The following GRM8 variants were observed in gnomAD, a reference collection of about 807,000 sequenced individuals.
The protein encoded by GRM8 is glutamate metabotropic receptor 8, also known as metabotropic glutamate receptor 8.
GRM8 carries 47 observed loss-of-function variants against 87.2 expected under a neutral mutation model. The ratio of observed to expected loss-of-function variants is 0.54; its 90% confidence interval spans 0.43 to 0.69. The LOEUF is 0.69. Ranked by LOEUF, GRM8 falls within the 30% of genes least tolerant of loss-of-function variation. GRM8 has a pLI of 0.00. For missense variants in GRM8, 1,019 were observed against 1,139.2 expected (o/e 0.89, Z 1.52); for synonymous variants, 396 against 404.5 (o/e 0.98, Z 0.25).
chr7:126,617,568 G>T (rs1051300342), intron 7 of GRM8, among the ~76,000 whole-genome samples: 1 of 152,136 alleles, frequency 6.6e-6, no homozygotes, highest in Non-Finnish European at 1.5e-5. Flanking sequence ...ATTCAATTAG[G>T]AAAAGAGGAA....
intron 3 of GRM8, among the ~76,000 whole-genome samples, chr7:127,037,810 T>G (rs1240072381): frequency 6.6e-6 from 1 of 150,382 alleles, no homozygotes. Flanking sequence ...TCCAGACATG[T>G]GCATGCACGT....
intron 3 of GRM8, among the ~76,000 whole-genome samples, chr7:127,026,560 A>G (rs1640180874): frequency 6.6e-6 from 1 of 152,112 alleles, no homozygotes; most frequent in South Asian, 2.1e-4. Flanking sequence ...ATGAGATGGT[A>G]TCTCATTGTG....
At chr7:126,482,137 A>G (rs1477238161) in intron 9 of GRM8, among the ~76,000 whole-genome samples, 1 of 152,064 alleles carries the variant, frequency 6.6e-6, no homozygotes, top group Non-Finnish European at 1.5e-5. Context: ...GGCTACTACT[A>G]TAAAAACGGA....
At chr7:127,174,056 T>A (rs946618955) in intron 2 of GRM8, among the ~76,000 whole-genome samples, 1 of 152,084 alleles carries the variant, frequency 6.6e-6, no homozygotes, top group East Asian at 1.9e-4. Flanking sequence ...ACCAGAAACA[T>A]TCACAGCAAC....
At chr7:127,171,969 C>T (rs1246155358) in intron 2 of GRM8, among the ~76,000 whole-genome samples, 1 of 151,830 alleles carries the variant, frequency 6.6e-6, no homozygotes, top group Non-Finnish European at 1.5e-5. Context: ...TATGATACTC[C>T]ATATTCTGAC....
intron 6 of GRM8, among the ~76,000 whole-genome samples, chr7:126,783,397 A>G (rs1820302818): frequency 6.6e-6 from 1 of 152,136 alleles, no homozygotes; most frequent in African/African-American, 2.4e-5. Context: ...GTGAAGAGCC[A>G]CTCTAGGAAA....
intron 6 of GRM8, among the ~76,000 whole-genome samples, chr7:126,775,916 T>C (rs1714253821): frequency 6.6e-6 from 1 of 152,090 alleles, no homozygotes; most frequent in Admixed American, 6.6e-5. Context: ...GCTCCACTCT[T>C]AGGTCCTTGA....
chr7:126,523,877 GATA>G (rs746557826), intron 9 of GRM8, among the ~76,000 whole-genome samples: 9 of 152,010 alleles, frequency 5.9e-5, no homozygotes, highest in Admixed American at 4.6e-4. Context: ...CACATTAGTA[GATA>G]ATATTTGTTT....
intron 6 of GRM8, among the ~76,000 whole-genome samples, chr7:126,837,187 T>C (rs924365667): frequency 1.3e-5 from 2 of 152,176 alleles, no homozygotes; most frequent in Non-Finnish European, 2.9e-5. Flanking sequence ...TAAAGCTTGG[T>C]GTTTAAGGAA....
At chr7:127,188,326 A>T (rs1426230731) in intron 2 of GRM8, among the ~76,000 whole-genome samples, 1 of 152,204 alleles carries the variant, frequency 6.6e-6, no homozygotes, top group Non-Finnish European at 1.5e-5. Context: ...TACAGTGAAA[A>T]GTTCTTAAAG....
intron 7 of GRM8, among the ~76,000 whole-genome samples, chr7:126,635,240 A>ATG (rs1308896822): frequency 6.6e-6 from 1 of 151,502 alleles, no homozygotes; most frequent in Non-Finnish European, 1.5e-5. Context: ...GATCAAGAGT[A>ATG]TAAAAAATAA....
chr7:126,956,740 C>T (rs1193121385), intron 3 of GRM8, among the ~76,000 whole-genome samples: 1 of 152,092 alleles, frequency 6.6e-6, no homozygotes, highest in East Asian at 1.9e-4. Context: ...CAGGGAAAAA[C>T]AATAAGCACA....
chr7:126,821,679 T>C (rs1794315805), intron 6 of GRM8, among the ~76,000 whole-genome samples: 1 of 152,150 alleles, frequency 6.6e-6, no homozygotes, highest in African/African-American at 2.4e-5. Context: ...TAAAGAAAAG[T>C]TTCCAGGTAC....
At chr7:127,192,557 C>A (rs1346240192) in intron 2 of GRM8, among the ~76,000 whole-genome samples, 2 of 152,090 alleles carry the variant, frequency 1.3e-5, no homozygotes, top group African/African-American at 2.4e-5. Flanking sequence ...CTCAGGGAGC[C>A]CATCAGGGCT....
intron 2 of GRM8, among the ~76,000 whole-genome samples, chr7:127,236,922 G>C (rs949914): frequency 0.17 from 25,818 of 152,058 alleles, 2,505 homozygotes; most frequent in Middle Eastern, 0.33. Context: ...TCTAGTGGGG[G>C]ATGCAGACAA....
At chr7:126,490,159 C>T (rs987550117) in intron 9 of GRM8, among the ~76,000 whole-genome samples, 6 of 152,060 alleles carry the variant, frequency 3.9e-5, no homozygotes, top group East Asian at 3.9e-4. Context: ...TCTATATCTG[C>T]GGCCTACTGG....
At chr7:126,591,827 C>G (rs1796697903) in intron 8 of GRM8, among the ~76,000 whole-genome samples, 1 of 150,452 alleles carries the variant, frequency 6.6e-6, no homozygotes, top group Non-Finnish European at 1.5e-5. Flanking sequence ...TAGAAAAGAT[C>G]AACAAAACTA....
chr7:126,762,974 G>A (rs1424669120), intron 7 of GRM8, among the ~76,000 whole-genome samples: 2 of 151,806 alleles, frequency 1.3e-5, no homozygotes, highest in Non-Finnish European at 2.9e-5. Flanking sequence ...TTGATTATAA[G>A]TGAGACTTAA....
intron 3 of GRM8, among the ~76,000 whole-genome samples, chr7:126,976,239 A>T (rs926415335): frequency 6.6e-6 from 1 of 152,242 alleles, no homozygotes; most frequent in African/African-American, 2.4e-5. Context: ...AAGCTTTATC[A>T]TAATACTCTT....
Sources: allele counts gnomAD v4.1 joint callset (sites outside exome capture counted in the v4.1 genomes callset), GRCh38; gene constraint gnomAD v4.1.1; transcripts MANE v1.5; gene names NCBI Gene and HGNC (gene_info 2026-07-23, HGNC 2026-07-21).